Variants in MICALL2 observed in about 807,000 individuals in gnomAD.
The protein encoded by MICALL2 is MICAL like 2, also known as MICAL-like protein 2.
In MICALL2, 111 loss-of-function variants were observed where a neutral mutation model predicts 91.1. The ratio of observed to expected loss-of-function variants is 1.22; its 90% CI spans 1.04 to 1.43. The LOEUF (loss-of-function observed/expected upper bound fraction) is 1.43, where lower values mean the gene tolerates loss of function less well. MICALL2 is among the 40% of genes most tolerant of loss of function. The probability of loss-of-function intolerance (pLI) is 0.00; values close to 1 mark genes in which losing one functional copy is unlikely to be tolerated. For synonymous variants in MICALL2, 694 were observed against 525.3 expected (o/e 1.32, Z -4.39); for missense variants, 1,556 against 1,236.0 (o/e 1.26, Z -3.88).
chr7:1,451,814 G>A lies in MICALL2; in HGVS notation c.144-1526C>T, dbSNP rs1010416638. On this transcript the variant is annotated intron_variant, in intron 1 of 16. Transcript: ENST00000297508. This position sits in a 1 kb window ranked among gnomAD's most constrained non-coding sequence, Gnocchi z 4.5. ...TCTCAAACGGAGAAGTGGGGGCCGAGACCCCTGTGGCCACGCAGCCTGGGC... is the reference window on the plus strand; with the variant it reads ...TCTCAAACGGAGAAGTGGGGGCCGAAACCCCTGTGGCCACGCAGCCTGGGC... Among the ~76,000 whole-genome samples the A allele has an allele frequency of 1.3e-5, 2 of 152,244 alleles. No individual in the cohort carries two copies. The highest frequency in any genetic ancestry group is 2.9e-5 in the Non-Finnish European group (2 of 68,046).
At chr7:1,441,847 CACAG>C in intron 7 of MICALL2, 1 of 335,870 alleles carries the variant, frequency 3.0e-6, no homozygotes, top group Non-Finnish European at 5.5e-6. Context: ...CAGGAGGCCC[CACAG>C]ACCACGGCCA....
At chr7:1,438,509 C>G (rs1267508669) in intron 10 of MICALL2, 156 bp from the exon 11 acceptor site, 1 of 1,444,344 alleles carries the variant, frequency 6.9e-7, no homozygotes, top group Non-Finnish European at 9.1e-7. Context: ...CCTGACCCAG[C>G]CCCACAGACA....
In MICALL2 at chr7:1,445,430, T is replaced by TG; in HGVS notation, c.642-3dup. On this transcript the variant is annotated splice_region_variant and splice_polypyrimidine_tract_variant and intron_variant, in intron 5 of 16. Transcript: ENST00000297508. ...AGCGTGCAGGAGCACTGCTTACACC[T>TG]GGGGGAGGAAAGGCACAGGAGCCCC... is the stretch of plus-strand genomic sequence containing the variant. 1 of 1,526,504 alleles carries TG rather than the reference T, an allele frequency of 6.6e-7. No individual in the cohort carries two copies. The highest frequency in any genetic ancestry group is 8.8e-7 in the Non-Finnish European group (1 of 1,141,342). The allele number at this position is 1,526,504 out of a possible 1,614,324, so 94.6% of individuals were successfully genotyped here. A position where few individuals can be genotyped will look rare whatever the true frequency, so the allele number is the denominator to read the frequency against.
At chr7:1,440,287 C>A in intron 8 of MICALL2, 1 of 681,300 alleles carries the variant, frequency 1.5e-6, no homozygotes, top group Non-Finnish European at 2.4e-6. Context: ...TGGTGCGAAG[C>A]AGATTCCAGG....
rs1171996719 is a variant in MICALL2 at position 1,452,036 on chromosome 7, G to T, written c.144-1748C>A. 6.6e-6 allele frequency among the ~76,000 whole-genome samples: 1 copy of T among 152,122 alleles called. No homozygotes were observed. On this transcript the variant is annotated intron_variant, in intron 1 of 16. Coordinates refer to ENST00000297508, the MANE Select transcript of MICALL2 (RefSeq NM_182924.4). This position sits in a 1 kb window ranked among gnomAD's most constrained non-coding sequence, Gnocchi z 6.2. ...CCACCTCTCTCCTTAGGAAGCCCCC[G>T]CCCCGTCCGCCTGCAGCCCTGCCGT...
intron 14 of MICALL2, 89 bp downstream of exon 14, chr7:1,437,446 C>G: frequency 3.3e-6 from 4 of 1,208,334 alleles, no homozygotes; most frequent in Non-Finnish European, 4.5e-6. Context: ...CCAGGACAGT[C>G]AGGTGGCCTC....
Position 1,445,407 on chromosome 7 carries a change from C to A in MICALL2, c.663G>T (p.Thr221=), listed in dbSNP as rs369564366. The A allele has an allele frequency of 2.6e-6, 4 of 1,554,366 alleles. No individual in the cohort carries two copies. The highest frequency in any genetic ancestry group is 3.5e-6 in the Non-Finnish European group (4 of 1,157,172). ...SCFRCKQCSC[T]LHSGAYKATG... ...TGGCCTTGTAGGCCCCCGAGTGCAG[C>A]GTGCAGGAGCACTGCTTACACCTGG... The change falls in exon 6 of 17, where the codon ACG becomes ACT. Residue 221 remains threonine (T), a synonymous_variant. Coordinates refer to ENST00000297508, the MANE Select transcript of MICALL2 (RefSeq NM_182924.4).
At chr7:1,443,424 T>C (rs1442496006) in intron 6 of MICALL2, among the ~76,000 whole-genome samples, 1 of 152,048 alleles carries the variant, frequency 6.6e-6, no homozygotes, top group Non-Finnish European at 1.5e-5. Context: ...GGAAACGGCG[T>C]TGTCAGCCAG....
intron 13 of MICALL2, 33 bp downstream of exon 13, chr7:1,437,857 C>A (rs947838812): frequency 1.3e-6 from 2 of 1,537,660 alleles, no homozygotes; most frequent in Non-Finnish European, 8.8e-7. Context: ...GAGGTCCTGG[C>A]CTTCGAGGAG....
intron 4 of MICALL2, 139 bp from the exon 5 acceptor site, chr7:1,446,967 G>A (rs548948133): frequency 2.2e-5 from 14 of 642,218 alleles, no homozygotes; most frequent in East Asian, 5.7e-5. Flanking sequence ...GGCTGCGGTC[G>A]GGGTCACACC....
intron 14 of MICALL2, 159 bp downstream of exon 14, chr7:1,437,376 G>A (rs1780024212): frequency 3.1e-6 from 2 of 636,632 alleles, no homozygotes; most frequent in East Asian, 3.0e-5. Context: ...CACACAGCCA[G>A]GAGGTGGGAG....
intron 1 of MICALL2, among the ~76,000 whole-genome samples, chr7:1,454,580 C>T (rs918065723): frequency 6.6e-6 from 1 of 152,158 alleles, no homozygotes; most frequent in Non-Finnish European, 1.5e-5. Flanking sequence ...GGACAGGCAG[C>T]CCCCTCCCGC....
rs1286834334 is a variant in MICALL2 at position 1,437,590 on chromosome 7, C to T, written c.2421G>A (p.Leu807=). ...ELMYKSKAQR[L]EEQQLDIEGE... is the part of the protein sequence containing the mutation. ...CCTCGATGTCCAGCTGCTGCTCCTC[C>T]AGACGCTGGGCCTTGGACCTGCCGC... Residue 807 remains leucine, a synonymous_variant, in exon 14 of 17, where the codon CTG becomes CTA. Transcript: ENST00000297508. 2 of 1,538,552 alleles carry T rather than the reference C, an allele frequency of 1.3e-6. No individual in the cohort carries two copies. Among genetic ancestry groups the T allele is most frequent in the South Asian group, 1.2e-5 (1 of 83,930 alleles).
intron 1 of MICALL2, among the ~76,000 whole-genome samples, chr7:1,457,100 T>A (rs1781045342): frequency 6.6e-6 from 1 of 152,182 alleles, no homozygotes; most frequent in Admixed American, 6.5e-5. Flanking sequence ...CCTTGGCTTG[T>A]GGCTGCACCT....
chr7:1,439,876 G>A, intron 9 of MICALL2, 49 bp downstream of exon 9: 1 of 1,380,574 alleles, frequency 7.2e-7, no homozygotes, highest in Non-Finnish European at 9.4e-7. Flanking sequence ...ACCCAAGGGG[G>A]AGGGCCAGCT....
At chr7:1,453,452 G>A (rs1780908053) in intron 1 of MICALL2, among the ~76,000 whole-genome samples, 1 of 152,138 alleles carries the variant, frequency 6.6e-6, no homozygotes, top group African/African-American at 2.4e-5. Flanking sequence ...GCCCAGCCCT[G>A]CTCACACCTC....
intron 6 of MICALL2, among the ~76,000 whole-genome samples, chr7:1,444,379 C>CGGAGCG (rs1780458392): frequency 6.6e-6 from 1 of 152,196 alleles, no homozygotes; most frequent in African/African-American, 2.4e-5. Context: ...CAGGGGGCCC[C>CGGAGCG]GGAGCGGCAG....
intron 7 of MICALL2, 170 bp downstream of exon 7, chr7:1,442,022 G>A (rs555215624): frequency 9.7e-5 from 74 of 765,668 alleles, no homozygotes; most frequent in Middle Eastern, 3.9e-4. Context: ...CACAGAGAGC[G>A]CACCAGGACC....
At position 1,440,971 on chromosome 7, in the gene MICALL2, G is replaced by C. The variant is rs1780252946; in HGVS notation, c.1712-287C>G. The C allele has an allele frequency of 6.7e-6, 3 of 444,536 alleles. No homozygotes were observed. In the Admixed American group the frequency reaches 1.0e-4, roughly 15 times the overall value. 27.5% of individuals were successfully genotyped at this position (444,536 alleles called of 1,614,324 possible). ...GGGACGTGGCAGGGTGAGCCCCGTGGACCCTGATCCTCTGTCCACCTGTGC... is the reference window on the plus strand; with the variant it reads ...GGGACGTGGCAGGGTGAGCCCCGTGCACCCTGATCCTCTGTCCACCTGTGC... On this transcript the variant is annotated intron_variant, in intron 7 of 16. Transcript: ENST00000297508.
Sources: gnomAD v4.1 joint callset for allele counts (sites outside exome capture counted in the v4.1 genomes callset) on GRCh38, gnomAD v4.1.1 for gene constraint, Gnocchi (gnomAD v3.1) non-coding constraint, MANE v1.5 for transcripts, NCBI Gene and HGNC (gene_info 2026-07-23, HGNC 2026-07-21) for gene names.